The following AGXT2 variants were observed in gnomAD, a reference collection of about 807,000 sequenced individuals.
AGXT2 encodes the protein alanine--glyoxylate aminotransferase 2.
AGXT2 carries 61 observed loss-of-function variants against 62.5 expected under a neutral mutation model. That is an observed-to-expected ratio of 0.98 (90% CI 0.79 to 1.21). The LOEUF is 1.21. AGXT2 is among the 50% of genes most tolerant of loss of function. The pLI, the probability that AGXT2 is intolerant of heterozygous loss-of-function variation, is 0.00. For synonymous variants in AGXT2, 243 were observed against 218.7 expected (o/e 1.11, Z -0.98); for missense variants, 666 against 641.5 (o/e 1.04, Z -0.41).
At chr5:35,035,500 A>G (rs1358214229) in intron 4 of AGXT2, among the ~76,000 whole-genome samples, 184 bp from the exon 5 acceptor site, 2 of 152,220 alleles carry the variant, frequency 1.3e-5, no homozygotes, top group African/African-American at 4.8e-5. Flanking sequence ...TTCCTCCAGT[A>G]GCCACTAAGT....
intron 9 of AGXT2, among the ~76,000 whole-genome samples, chr5:35,016,453 AACATT>A (rs1425295106): frequency 6.6e-6 from 1 of 152,216 alleles, no homozygotes. Flanking sequence ...CACAAGTAAC[AACATT>A]ACATTAAAAA....
At chr5:35,010,511 C>G (rs1371524456) in intron 11 of AGXT2, among the ~76,000 whole-genome samples, 4 of 151,640 alleles carry the variant, frequency 2.6e-5, no homozygotes, top group Non-Finnish European at 4.4e-5. Flanking sequence ...AACCCCGTCT[C>G]TACTTTAAAA....
At chr5:35,017,270 T>G (rs536581777) in intron 9 of AGXT2, among the ~76,000 whole-genome samples, 381 of 152,318 alleles carry the variant, frequency 2.5e-3, no homozygotes, top group Non-Finnish European at 2.6e-3. Flanking sequence ...CTATTCCTAC[T>G]AACGGCATAA....
chr5:35,023,888 T>C (rs1189639202), intron 9 of AGXT2, among the ~76,000 whole-genome samples: 1 of 151,462 alleles, frequency 6.6e-6, no homozygotes, highest in Non-Finnish European at 1.5e-5. Flanking sequence ...TATTTATTTA[T>C]TTATTTATTT....
At chr5:35,045,204 T>G (rs748158130) in intron 1 of AGXT2, among the ~76,000 whole-genome samples, 1 of 152,350 alleles carries the variant, frequency 6.6e-6, no homozygotes, top group African/African-American at 2.4e-5. Context: ...TAAACAAAGC[T>G]GAACATTTTA....
Position 35,044,336 on chromosome 5 carries a change from C to T in AGXT2, c.88+3469G>A, listed in dbSNP as rs138977458. ...GCCAGCTTGGAGACTCCAGAGTGGT[C>T]GTTTTCTCTTCACACATGGGGCCGC... On this transcript the variant is annotated intron_variant, in intron 1 of 13. Transcript: ENST00000231420. Among the ~76,000 whole-genome samples, 989 of 152,276 alleles carry T rather than the reference C, an allele frequency of 6.5e-3. 9 individuals are homozygous for T. Among genetic ancestry groups the T allele is most frequent in the African/African-American group, 0.022 (935 of 41,572 alleles).
chr5:35,026,141 T>G, intron 8 of AGXT2: 1 of 593,548 alleles, frequency 1.7e-6, no homozygotes. Context: ...ATGCGGATGT[T>G]ATTAAGCAGC....
intron 7 of AGXT2, chr5:35,026,802 T>G: frequency 1.5e-3 from 1,427 of 959,846 alleles, no homozygotes; most frequent in Non-Finnish European, 1.6e-3. Flanking sequence ...AAAGTGTCAT[T>G]GAGCTGGTAT....
intron 1 of AGXT2, among the ~76,000 whole-genome samples, chr5:35,046,287 C>T (rs146940972): frequency 2.0e-5 from 3 of 152,316 alleles, no homozygotes; most frequent in Admixed American, 6.5e-5. Flanking sequence ...ACAGCTGGTA[C>T]TTTCAGCATA....
intron 1 of AGXT2, among the ~76,000 whole-genome samples, chr5:35,045,039 C>T (rs1768132656): frequency 6.6e-6 from 1 of 152,134 alleles, no homozygotes; most frequent in South Asian, 2.1e-4. Flanking sequence ...AGCACATACC[C>T]CAGCCACCTG....
At chr5:35,029,902 G>A (rs1767496890) in intron 7 of AGXT2, among the ~76,000 whole-genome samples, 1 of 152,052 alleles carries the variant, frequency 6.6e-6, no homozygotes, top group African/African-American at 2.4e-5. Flanking sequence ...TCACAAAATG[G>A]CCCCCTGCCT....
chr5:35,016,225 T>C (rs1167912989), intron 9 of AGXT2, among the ~76,000 whole-genome samples: 2 of 152,200 alleles, frequency 1.3e-5, no homozygotes, highest in African/African-American at 4.8e-5. Flanking sequence ...GCTTGGACAA[T>C]GTGTAACAGT....
chr5:35,006,359 A>G (rs1015769875), intron 12 of AGXT2, among the ~76,000 whole-genome samples: 6 of 152,206 alleles, frequency 3.9e-5, no homozygotes, highest in African/African-American at 1.4e-4. Flanking sequence ...ATTTATAAAG[A>G]AAAGAGGTTT....
intron 12 of AGXT2, among the ~76,000 whole-genome samples, chr5:35,007,962 T>TCTCTCTCTCC (rs1008111291): frequency 1.3e-5 from 2 of 152,078 alleles, no homozygotes; most frequent in Non-Finnish European, 2.9e-5. Flanking sequence ...TTTCTCTCTC[T>TCTCTCTCTCC]CTCTCTCTCC....
chr5:35,012,808 T>C, intron 11 of AGXT2, 146 bp downstream of exon 11: 1 of 822,058 alleles, frequency 1.2e-6, no homozygotes, highest in South Asian at 1.5e-5. Flanking sequence ...GGCAGAATAA[T>C]AAATGGAAAT....
Position 35,040,643 on chromosome 5 carries a change from CT to C in AGXT2, c.108del (p.Val37Ter). 1 of 1,613,916 alleles carries C rather than the reference CT, an allele frequency of 6.2e-7. No individual in the cohort carries two copies. Among genetic ancestry groups the C allele is most frequent in the African/African-American group, 1.3e-5 (1 of 75,038 alleles). On this transcript the variant is annotated frameshift_variant, in exon 2 of 14. Coordinates refer to ENST00000231420, the MANE Select transcript of AGXT2 (RefSeq NM_031900.4). LOFTEE classifies it high-confidence loss of function. ...TTTGTATGAAGACTGAGCTTGGTTA[CT>C]GATGTCCGGGAAGTACCTACTGAAA... is the stretch of plus-strand genomic sequence containing the variant. ...PFLSLGTSRT[S>X]VTKLSLHTKP...
In AGXT2 at chr5:35,039,384, C is replaced by T; in HGVS notation, c.302G>A (p.Gly101Glu). The change falls in exon 3 of 14, where the codon GGA becomes GAA. Residue 101 changes from glycine (G) to glutamate (E), a missense_variant. Physicochemically the swap from Gly to Glu is moderately conservative, Grantham distance 98. Transcript: ENST00000231420. The part of the protein sequence containing the change: ...GHMEWLFDAE[G>E]SRYLDFFSGI... ...GGAAAAGAAATCCAGGTATCTGCTT[C>T]CTTCAGCATCAAAGAGCCACTCCAT... 1 of 1,614,164 alleles carries T rather than the reference C, an allele frequency of 6.2e-7. No homozygotes were observed. The highest frequency in any genetic ancestry group is 8.5e-7 in the Non-Finnish European group (1 of 1,179,994).
chr5:35,009,396 G>A (rs1222666085), intron 12 of AGXT2, among the ~76,000 whole-genome samples: 2 of 152,146 alleles, frequency 1.3e-5, no homozygotes, highest in African/African-American at 4.8e-5. Context: ...AGGAGTTTGA[G>A]ACCAGCCTGG....
intron 9 of AGXT2, among the ~76,000 whole-genome samples, chr5:35,022,305 A>T (rs1320557592): frequency 6.6e-6 from 1 of 152,092 alleles, no homozygotes; most frequent in Non-Finnish European, 1.5e-5. Context: ...TCACAATAGC[A>T]AAGACTTGGA....
Sources: allele counts gnomAD v4.1 joint callset (sites outside exome capture counted in the v4.1 genomes callset), GRCh38; gene constraint gnomAD v4.1.1; transcripts MANE v1.5; gene names NCBI Gene and HGNC (gene_info 2026-07-23, HGNC 2026-07-21).